SPAG17: variants seen among roughly 807,000 people sequenced by gnomAD.
SPAG17 encodes the protein sperm-associated antigen 17.
In SPAG17, 169 loss-of-function variants were observed where a neutral mutation model predicts 273.6. That is an observed-to-expected ratio of 0.62 (90% CI 0.55 to 0.70). The LOEUF is 0.70. Ranked by LOEUF, SPAG17 falls within the 30% of genes least tolerant of loss-of-function variation. The probability of loss-of-function intolerance (pLI) is 0.00; values close to 1 mark genes in which losing one functional copy is unlikely to be tolerated. For missense variants in SPAG17, 2,557 were observed against 2,627.8 expected (o/e 0.97, Z 0.59); for synonymous variants, 825 against 873.2 (o/e 0.94, Z 0.97).
intron 17 of SPAG17, 28 bp from the exon 18 acceptor site, chr1:118,066,927 A>C: frequency 6.3e-7 from 1 of 1,580,676 alleles, no homozygotes; most frequent in Non-Finnish European, 8.6e-7. Flanking sequence ...TGCATTGTAG[A>C]ATCTTTTTTA....
At chr1:118,141,421 A>C (rs1457600869) in intron 3 of SPAG17, among the ~76,000 whole-genome samples, 1 of 152,256 alleles carries the variant, frequency 6.6e-6, no homozygotes, top group Non-Finnish European at 1.5e-5. Context: ...TGTCCGAAGC[A>C]CAGTGTTGGG....
At chr1:117,979,527 C>A (rs568341090) in intron 43 of SPAG17, among the ~76,000 whole-genome samples, 2 of 152,250 alleles carry the variant, frequency 1.3e-5, no homozygotes, top group South Asian at 4.1e-4. Flanking sequence ...CTTGCTTGCT[C>A]TTTTTCTCAC....
rs139397133 is a variant in SPAG17, at chr1:118,028,989, G to A, written c.3610-595C>T. 1.1e-3 allele frequency among the ~76,000 whole-genome samples: 174 copies of A among 152,274 alleles called. 2 individuals carry two copies. Among genetic ancestry groups the A allele is most frequent in the African/African-American group, 4.0e-3 (166 of 41,546 alleles). Reference sequence around the variant, plus strand: ...GAATAGCTGGGCATGGTGGTGTGTGGTTGCAATTTCAGCTACTTGAAAGAG... The same window carrying A: ...GAATAGCTGGGCATGGTGGTGTGTGATTGCAATTTCAGCTACTTGAAAGAG... On this transcript the variant is annotated intron_variant, in intron 25 of 48. Coordinates refer to ENST00000336338, the MANE Select transcript of SPAG17 (RefSeq NM_206996.4).
chr1:118,048,456 T>A (rs1650611942), intron 20 of SPAG17, among the ~76,000 whole-genome samples: 1 of 152,162 alleles, frequency 6.6e-6, no homozygotes, highest in Non-Finnish European at 1.5e-5. Flanking sequence ...TAATTCAACT[T>A]TTTGTTAAAA....
chr1:118,120,481 C>G (rs770803253), intron 3 of SPAG17, among the ~76,000 whole-genome samples: 58 of 152,104 alleles, frequency 3.8e-4, no homozygotes, highest in Admixed American at 1.8e-3. Context: ...TATGCCCAAA[C>G]TGAAAGGAAT....
intron 18 of SPAG17, among the ~76,000 whole-genome samples, chr1:118,061,932 G>C (rs1652339034): frequency 6.6e-6 from 1 of 152,044 alleles, no homozygotes; most frequent in Non-Finnish European, 1.5e-5. Context: ...GACAAAATTA[G>C]GTGGTTGAAA....
Position 117,994,409 on chromosome 1 carries a change from A to G in SPAG17, c.5175T>C (p.Val1725=). Residue 1725 remains valine (V), a synonymous_variant, in exon 35 of 49, where the codon GTT becomes GTC. Transcript: ENST00000336338. ...RSRSWETFPS[V]EKKTPGPPFG... is the part of the protein sequence containing the mutation. Reference sequence around the variant, plus strand: ...CTTTTTAGAAGAAATTATATACCTCAACTGAGGGAAATGTTTCCCATGACC... The same window carrying G: ...CTTTTTAGAAGAAATTATATACCTCGACTGAGGGAAATGTTTCCCATGACC... 1 of 1,611,874 alleles carries G rather than the reference A, an allele frequency of 6.2e-7. No homozygotes were observed.
chr1:118,066,871 C>T lies in SPAG17; in HGVS notation c.2414G>A (p.Arg805Lys), dbSNP rs755485181. The change falls in exon 18 of 49, where the codon AGG (arginine) becomes AAG (lysine). Residue 805 changes from arginine (R) to lysine (K), a missense_variant. Physicochemically the swap from Arg to Lys is conservative, Grantham distance 26. Transcript: ENST00000336338. ...QVLQEAHKQY[R>K]CVDSYYHTQD... ...GGTGTGGTAGTAAGAATCAACACAC[C>T]TATATTGCTTATGGGCTTCTTGAAG... 3.1e-6 allele frequency: 5 copies of T among 1,612,046 alleles called. No individual in the cohort carries two copies. Among genetic ancestry groups the T allele is most frequent in the Non-Finnish European group, 3.4e-6 (4 of 1,179,392 alleles).
chr1:118,120,038 TC>T (rs1247247938), intron 3 of SPAG17, among the ~76,000 whole-genome samples: 1 of 152,210 alleles, frequency 6.6e-6, no homozygotes, highest in Non-Finnish European at 1.5e-5. Context: ...ATTTCAGTTT[TC>T]CTTTTTTTCT....
intron 31 of SPAG17, among the ~76,000 whole-genome samples, chr1:118,007,419 C>T (rs1180893489): frequency 6.6e-6 from 1 of 152,136 alleles, no homozygotes; most frequent in Admixed American, 6.6e-5. Flanking sequence ...CTTTCTCCAG[C>T]AAGTGAAAAG....
chr1:118,036,213 A>C (rs990642458), intron 24 of SPAG17, among the ~76,000 whole-genome samples: 1 of 151,962 alleles, frequency 6.6e-6, no homozygotes, highest in African/African-American at 2.4e-5. Flanking sequence ...GAAAGAAAGA[A>C]GGAAAGAAGG....
At chr1:118,075,744 CT>C (rs1031232701) in intron 15 of SPAG17, among the ~76,000 whole-genome samples, 1 of 152,160 alleles carries the variant, frequency 6.6e-6, no homozygotes, top group African/African-American at 2.4e-5. Flanking sequence ...TTGACTCTCC[CT>C]TGCTCATTCT....
intron 4 of SPAG17, among the ~76,000 whole-genome samples, chr1:118,112,889 T>C (rs1656859692): frequency 6.6e-6 from 1 of 152,174 alleles, no homozygotes; most frequent in Non-Finnish European, 1.5e-5. Flanking sequence ...AAAATAATGA[T>C]ATTTCTTCAC....
intron 36 of SPAG17, among the ~76,000 whole-genome samples, chr1:117,991,941 A>G (rs1487353617): frequency 6.6e-6 from 1 of 152,180 alleles, no homozygotes; most frequent in Admixed American, 6.5e-5. Flanking sequence ...TATTTTTTTC[A>G]TAAGTATTTG....
chr1:118,062,930 C>T (rs1004485006), intron 18 of SPAG17, among the ~76,000 whole-genome samples: 2 of 152,124 alleles, frequency 1.3e-5, no homozygotes, highest in African/African-American at 4.8e-5. Flanking sequence ...AAACTATAAA[C>T]TGTTAACAAA....
intron 4 of SPAG17, among the ~76,000 whole-genome samples, chr1:118,114,302 A>G (rs1656940000): frequency 6.6e-6 from 1 of 152,214 alleles, no homozygotes; most frequent in Non-Finnish European, 1.5e-5. Flanking sequence ...CACACTAATA[A>G]CATGCTATAT....
Position 118,093,279 on chromosome 1 carries a change from G to A in SPAG17, c.1050C>T (p.Cys350=). The part of the protein sequence containing the change: ...LGTDIFENIA[C]LMYDILDWKR... The stretch of plus-strand genomic sequence containing the variant: ...TCCAATCCAGGATGTCATACATCAA[G>A]CAGGCAATATTTTCAAAAATATCAG... Residue 350 remains cysteine, a synonymous_variant, in exon 8 of 49, where the codon TGC becomes TGT. Transcript: ENST00000336338. 6.2e-7 allele frequency: 1 copy of A among 1,612,716 alleles called. No homozygotes were observed. Among genetic ancestry groups the A allele is most frequent in the Non-Finnish European group, 8.5e-7 (1 of 1,179,354 alleles).
chr1:117,980,790 T>C (rs1412535358), intron 43 of SPAG17, among the ~76,000 whole-genome samples: 1 of 152,236 alleles, frequency 6.6e-6, no homozygotes, highest in Non-Finnish European at 1.5e-5. Flanking sequence ...TATTATTTTA[T>C]ATTTCAATTT....
chr1:118,081,634 T>C lies in SPAG17; in HGVS notation c.1771A>G (p.Ser591Gly), dbSNP rs777988662. 8 of 1,613,526 alleles carry C rather than the reference T, an allele frequency of 5.0e-6. No homozygotes were observed. In the South Asian group the frequency reaches 6.6e-5, roughly 13 times the overall value. Residue 591 changes from serine to glycine, a missense_variant, in exon 14 of 49, where the codon AGC (serine) becomes GGC (glycine). Ser to Gly is a moderately conservative substitution (Grantham distance 56). Transcript: ENST00000336338. ...LMHFCTSDVL[S>G]WNEVERAFKV... ...AAGGCTCGTTCTACTTCATTCCAGC[T>C]CAAGACATCTGTAAGAAAGCAGAAC...
Sources: allele counts gnomAD v4.1 joint callset (sites outside exome capture counted in the v4.1 genomes callset), GRCh38; gene constraint gnomAD v4.1.1; transcripts MANE v1.5; gene names NCBI Gene and HGNC (gene_info 2026-07-23, HGNC 2026-07-21).